TACC3: variants seen among roughly 807,000 people sequenced by gnomAD.
TACC3 encodes transforming acidic coiled-coil containing protein 3, also known as transforming acidic coiled-coil-containing protein 3.
A neutral mutation model predicts 86.0 loss-of-function variants in TACC3; 52 were observed. That is an observed-to-expected ratio of 0.60 (90% CI 0.48 to 0.76). The LOEUF (loss-of-function observed/expected upper bound fraction) is 0.76, where lower values mean the gene tolerates loss of function less well. Ranked by LOEUF, TACC3 falls within the 30% of genes least tolerant of loss-of-function variation. The pLI, the probability that TACC3 is intolerant of heterozygous loss-of-function variation, is 0.00. For synonymous variants in TACC3, 512 were observed against 430.0 expected (o/e 1.19, Z -2.36); for missense variants, 1,120 against 1,070.4 (o/e 1.05, Z -0.65).
At chr4:1,739,806 C>T (rs1560321684) in intron 11 of TACC3, 28 bp downstream of exon 11, 4 of 1,570,286 alleles carry the variant, frequency 2.5e-6, no homozygotes, top group Middle Eastern at 1.7e-4. Flanking sequence ...CCTGTCCTCC[C>T]CGTCCCCATC....
At chr4:1,720,812 G>A, upstream of TACC3, 1 of 1,593,308 alleles carries the variant, frequency 6.3e-7, no homozygotes, top group Non-Finnish European at 8.5e-7. This position sits in a 1 kb window ranked among gnomAD's most constrained non-coding sequence, Gnocchi z 4.4. Flanking sequence ...ATAGGCGAGA[G>A]TGAAGGTCAC....
intron 14 of TACC3, 21 bp downstream of exon 14, chr4:1,744,645 C>T: frequency 1.9e-6 from 3 of 1,612,454 alleles, no homozygotes; most frequent in Non-Finnish European, 2.5e-6. Flanking sequence ...GGCGAGGCCC[C>T]ACCCTGGAGG....
chr4:1,737,467 G>A (rs1202630728), intron 9 of TACC3, 131 bp from the exon 10 acceptor site: 20 of 1,108,008 alleles, frequency 1.8e-5, no homozygotes, highest in East Asian at 1.0e-4. Context: ...CTGTTCCCTC[G>A]CCGCACTGTC....
chr4:1,721,019 C>A, upstream of TACC3: 1 of 320,230 alleles, frequency 3.1e-6, no homozygotes. Context: ...GGAGTCCCGC[C>A]GCCCGGCCGC....
chr4:1,742,841 A>C (rs113339322), intron 13 of TACC3, among the ~76,000 whole-genome samples: 2,231 of 151,234 alleles, frequency 0.015, 48 homozygotes, highest in African/African-American at 0.052. Context: ...GGTGGTGTGC[A>C]CCTATAGTCC....
chr4:1,721,243 C>T (rs1717325066), upstream of TACC3: 1 of 160,844 alleles, frequency 6.2e-6, no homozygotes, highest in South Asian at 2.0e-4. Context: ...AGGCCCTGGC[C>T]ATGAAGCCCC....
rs1355665924 is a variant in TACC3, at chr4:1,723,294, A to C, written c.-1-127A>C. ...CCAAGAGACACGTGTGGGAGGTGTG[A>C]GTTCCAGAGCAATGAGCACACCTGT... On this transcript the variant is annotated intron_variant, in intron 1 of 15. Transcript: ENST00000313288. 6.6e-6 allele frequency: 6 copies of C among 904,068 alleles called. No individual in the cohort carries two copies. In the East Asian group the frequency reaches 1.6e-4, roughly 24 times the overall value. The allele number at this position is 904,068 out of a possible 1,614,324, so 56.0% of individuals were successfully genotyped here.
Position 1,730,875 on chromosome 4 carries a change from C to A in TACC3, c.1386-12C>A. The A allele has an allele frequency of 6.2e-7, 1 of 1,612,764 alleles. No individual in the cohort carries two copies. Among genetic ancestry groups the A allele is most frequent in the Non-Finnish European group, 8.5e-7 (1 of 1,179,912 alleles). On this transcript the variant is annotated splice_polypyrimidine_tract_variant and intron_variant, in intron 4 of 15. Coordinates refer to ENST00000313288, the MANE Select transcript of TACC3 (RefSeq NM_006342.3). ...TGGGGGGCATGGGCCTCTGCTGACT[C>A]TGTCTCCCCAGGCAGCTGCATTCAG...
At chr4:1,724,242 G>T (rs1717574006) in intron 3 of TACC3, among the ~76,000 whole-genome samples, 1 of 151,582 alleles carries the variant, frequency 6.6e-6, no homozygotes, top group Non-Finnish European at 1.5e-5. Context: ...AAAGTGCTGG[G>T]ATTACAGGTG....
intron 4 of TACC3, among the ~76,000 whole-genome samples, chr4:1,730,011 A>G (rs1225970947): frequency 6.6e-6 from 1 of 151,856 alleles, no homozygotes; most frequent in Non-Finnish European, 1.5e-5. Context: ...CTATCTCTAT[A>G]TGGCCTGGTT....
Position 1,728,609 on chromosome 4 carries a change from T to TA in TACC3, c.1208dup (p.Tyr403Ter), listed in dbSNP as rs1472655486. 8.1e-6 allele frequency: 13 copies of TA among 1,613,856 alleles called. No individual in the cohort carries two copies. The highest frequency in any genetic ancestry group is 1.3e-5 in the African/African-American group (1 of 75,022). The change falls in exon 4 of 16, where the codon TAC becomes TAAC. Residue 403 changes from tyrosine (Y) to a stop codon, truncating the protein, a stop_gained and frameshift_variant. Transcript: ENST00000313288. LOFTEE classifies it high-confidence loss of function. ...CCCCATGCCAGCTTCTCGGGGCTCTTACCACCTCGACTGGGACAAAATGGA... is the reference window on the plus strand; with the variant it reads ...CCCCATGCCAGCTTCTCGGGGCTCTTAACCACCTCGACTGGGACAAAATGGA... Reference protein sequence around the residue: ...DPPMPASRGSYHLDWDKMDDP... With the variant: ...DPPMPASRGS
At position 1,735,425 on chromosome 4, in the gene TACC3, C is replaced by T; in HGVS notation, c.1644+100C>T. ...AGCGTCCCTTGGTGCCCACGTCCCC[C>T]CAGCTGCACACAGGCCCAGGCATTG... On this transcript the variant is annotated intron_variant, in intron 7 of 15. Coordinates refer to ENST00000313288, the MANE Select transcript of TACC3 (RefSeq NM_006342.3). This position sits in a 1 kb window ranked among gnomAD's most constrained non-coding sequence, Gnocchi z 4.2. 1.5e-6 allele frequency: 2 copies of T among 1,362,242 alleles called. No individual in the cohort carries two copies. The highest frequency in any genetic ancestry group is 1.2e-5 in the South Asian group (1 of 84,236). The allele number at this position is 1,362,242 out of a possible 1,614,324, so 84.4% of individuals were successfully genotyped here.
intron 3 of TACC3, among the ~76,000 whole-genome samples, chr4:1,725,770 T>C (rs114630596): frequency 0.022 from 3,390 of 152,318 alleles, 130 homozygotes; most frequent in African/African-American, 0.077. Flanking sequence ...GAGGCCCAGG[T>C]GGTGGTCACT....
At chr4:1,741,037 G>T (rs1288866494) in intron 13 of TACC3, 51 bp downstream of exon 13, 1 of 1,537,400 alleles carries the variant, frequency 6.5e-7, no homozygotes, top group Admixed American at 2.1e-5. Flanking sequence ...ATGGACTCAT[G>T]GTCCAAGCCA....
intron 3 of TACC3, among the ~76,000 whole-genome samples, chr4:1,726,348 G>A (rs929038032): frequency 2.0e-5 from 3 of 152,156 alleles, no homozygotes; most frequent in African/African-American, 7.2e-5. Context: ...GGCTTTGACT[G>A]TCCCTGGCCA....
Position 1,728,475 on chromosome 4 carries a change from G to A in TACC3, c.1073G>A (p.Gly358Glu), listed in dbSNP as rs1577210342. The change falls in exon 4 of 16, where the codon GGA (glycine) becomes GAA (glutamate). Residue 358 changes from glycine to glutamate, a missense_variant. Transcript: ENST00000313288. Reference protein sequence around the residue: ...SKRAPPPRRLGERSGLKPPLR... With the variant: ...SKRAPPPRRLEERSGLKPPLR... ...AGGGCACCCCCACCAAGGAGACTGGGAGAGAGGTCCGGCCTCAAGCCTCCC... is the reference window on the plus strand; with the variant it reads ...AGGGCACCCCCACCAAGGAGACTGGAAGAGAGGTCCGGCCTCAAGCCTCCC... The A allele has an allele frequency of 6.2e-6, 10 of 1,613,972 alleles. No homozygotes were observed. Among genetic ancestry groups the A allele is most frequent in the Non-Finnish European group, 8.5e-6 (10 of 1,180,004 alleles).
chr4:1,741,686 C>T (rs1174156392), intron 13 of TACC3: 1 of 152,260 alleles, frequency 6.6e-6, no homozygotes, highest in Non-Finnish European at 1.5e-5. Context: ...TTGGGGACAC[C>T]AGATGGGTCC....
Position 1,735,896 on chromosome 4 carries a change from C to T in TACC3, c.1748+62C>T. ...GAGTGTGGGAAGACTGGAGGCTGTT[C>T]CTAGGTGTGCTGTCTGCACAGAGGC... On this transcript the variant is annotated intron_variant, in intron 8 of 15. Coordinates refer to ENST00000313288, the MANE Select transcript of TACC3 (RefSeq NM_006342.3). This position sits in a 1 kb window ranked among gnomAD's most constrained non-coding sequence, Gnocchi z 4.2. 1 of 1,204,176 alleles carries T rather than the reference C, an allele frequency of 8.3e-7. No homozygotes were observed. The highest frequency in any genetic ancestry group is 2.4e-5 in the East Asian group (1 of 42,314). 74.6% of individuals were successfully genotyped at this position (1,204,176 alleles called of 1,614,324 possible).
intron 3 of TACC3, among the ~76,000 whole-genome samples, chr4:1,724,815 G>A (rs1183393339): frequency 6.6e-6 from 1 of 152,018 alleles, no homozygotes; most frequent in Non-Finnish European, 1.5e-5. Context: ...AGGCTGGAGT[G>A]CCGTGGTGCC....
Sources: allele counts gnomAD v4.1 joint callset (sites outside exome capture counted in the v4.1 genomes callset), GRCh38; gene constraint gnomAD v4.1.1; non-coding constraint Gnocchi (gnomAD v3.1); transcripts MANE v1.5; gene names NCBI Gene and HGNC (gene_info 2026-07-23, HGNC 2026-07-21).